Variants in LINGO2 observed in about 807,000 individuals in gnomAD.
The protein encoded by LINGO2 is leucine-rich repeat and immunoglobulin-like domain-containing nogo receptor-interacting protein 2.
Under a neutral mutation model 30.6 loss-of-function variants are expected in LINGO2, and 14 were observed. The ratio of observed to expected loss-of-function variants is 0.46; its 90% CI spans 0.30 to 0.72. LINGO2 has a LOEUF of 0.72. Among genes scored for constraint, LINGO2 ranks in the 30% least tolerant of loss-of-function variants. LINGO2 has a pLI of 0.07. For synonymous variants in LINGO2, 317 were observed against 288.5 expected (o/e 1.10, Z -1.00); for missense variants, 729 against 751.7 (o/e 0.97, Z 0.35).
At chr9:28,880,912 G>A in the LINGO2 span, among the ~76,000 whole-genome samples, 1 of 152,242 alleles carries the variant, frequency 6.6e-6, no homozygotes, top group African/African-American at 2.4e-5. Flanking sequence ...TCCAGCCATA[G>A]TACCTTCCCT....
At chr9:29,143,330 A>G in the LINGO2 span, among the ~76,000 whole-genome samples, 1 of 152,126 alleles carries the variant, frequency 6.6e-6, no homozygotes, top group Non-Finnish European at 1.5e-5. Flanking sequence ...TACAATTCAT[A>G]TTGAACCAGA....
the LINGO2 span, among the ~76,000 whole-genome samples, chr9:28,784,708 C>T: frequency 6.6e-6 from 1 of 152,160 alleles, no homozygotes; most frequent in Non-Finnish European, 1.5e-5. Context: ...AATCCCAGCA[C>T]TTTGGGAGGC....
chr9:28,666,500 A>G (rs1828805865), intron 1 of LINGO2, among the ~76,000 whole-genome samples: 1 of 152,180 alleles, frequency 6.6e-6, no homozygotes, highest in Admixed American at 6.5e-5. Context: ...TATGCTTTAA[A>G]ATGGCTCTAA....
At chr9:28,754,005 T>TACACACACATAA in the LINGO2 span, among the ~76,000 whole-genome samples, 7 of 109,742 alleles carry the variant, frequency 6.4e-5, 1 homozygote, top group African/African-American at 2.5e-4. Context: ...TAAATGAGAA[T>TACACACACATAA]ACACACACAC....
chr9:29,147,000 G>A, the LINGO2 span, among the ~76,000 whole-genome samples: 1 of 152,000 alleles, frequency 6.6e-6, no homozygotes, highest in African/African-American at 2.4e-5. Flanking sequence ...AAAAAATTAG[G>A]ATAATTTTCA....
At chr9:29,108,673 G>A in the LINGO2 span, among the ~76,000 whole-genome samples, 1 of 152,154 alleles carries the variant, frequency 6.6e-6, no homozygotes, top group Admixed American at 6.5e-5. Context: ...GCATTTAGAG[G>A]TATGCATAGA....
intron 5 of LINGO2, among the ~76,000 whole-genome samples, chr9:27,955,821 G>A (rs1819534399): frequency 6.6e-6 from 1 of 151,654 alleles, no homozygotes; most frequent in African/African-American, 2.4e-5. Context: ...AATATGTATA[G>A]TATTTATAAG....
chr9:28,708,779 A>T, the LINGO2 span, among the ~76,000 whole-genome samples: 2 of 148,778 alleles, frequency 1.3e-5, no homozygotes, highest in African/African-American at 4.9e-5. Context: ...CTATCTATCT[A>T]TCTATCTATC....
At chr9:28,676,677 G>A in the LINGO2 span, among the ~76,000 whole-genome samples, 1 of 152,092 alleles carries the variant, frequency 6.6e-6, no homozygotes, top group Non-Finnish European at 1.5e-5. Context: ...GGACTTCACT[G>A]TGGATTGCTT....
At chr9:29,017,828 T>C in the LINGO2 span, among the ~76,000 whole-genome samples, 2 of 151,926 alleles carry the variant, frequency 1.3e-5, no homozygotes, top group African/African-American at 2.4e-5. Context: ...GTCTCTAGAC[T>C]GACACGGAGA....
the LINGO2 span, among the ~76,000 whole-genome samples, chr9:28,961,681 T>C: frequency 6.6e-6 from 1 of 152,178 alleles, no homozygotes; most frequent in East Asian, 1.9e-4. Context: ...GCTGAATTTA[T>C]ACAGACTGTA....
At chr9:28,990,148 G>T in the LINGO2 span, among the ~76,000 whole-genome samples, 3 of 151,768 alleles carry the variant, frequency 2.0e-5, no homozygotes, top group African/African-American at 7.2e-5. Context: ...TCAAAGAAAG[G>T]GGTGACACTG....
At chr9:27,966,841 C>T (rs1297162036) in intron 5 of LINGO2, among the ~76,000 whole-genome samples, 1 of 152,104 alleles carries the variant, frequency 6.6e-6, no homozygotes, top group Admixed American at 6.6e-5. Flanking sequence ...CCAGGCCCAT[C>T]TAGATAGAAC....
At chr9:28,176,957 T>C (rs1252836057) in intron 4 of LINGO2, among the ~76,000 whole-genome samples, 1 of 152,214 alleles carries the variant, frequency 6.6e-6, no homozygotes, top group African/African-American at 2.4e-5. Context: ...GATGTCATCT[T>C]AGTTACAAAA....
chr9:28,651,307 T>C (rs1271655970), intron 1 of LINGO2, among the ~76,000 whole-genome samples: 1 of 152,174 alleles, frequency 6.6e-6, no homozygotes, highest in East Asian at 1.9e-4. Context: ...CAGAATATAC[T>C]GTTATAGCAC....
chr9:28,590,394 G>C (rs1229771069), intron 1 of LINGO2, among the ~76,000 whole-genome samples: 3 of 151,918 alleles, frequency 2.0e-5, no homozygotes, highest in Non-Finnish European at 4.4e-5. Flanking sequence ...GAAAATTTTT[G>C]CAACCTATTC....
chr9:28,694,953 T>C, the LINGO2 span, among the ~76,000 whole-genome samples: 1 of 95,356 alleles, frequency 1.0e-5, no homozygotes, highest in East Asian at 3.9e-4. Context: ...ATCCTGACTG[T>C]TTTTTTTTTT....
intron 4 of LINGO2, among the ~76,000 whole-genome samples, chr9:28,030,584 T>G (rs534283012): frequency 6.6e-5 from 10 of 152,346 alleles, no homozygotes; most frequent in African/African-American, 2.4e-4. Flanking sequence ...ACTCAATGCT[T>G]TAAGTATCTA....
chr9:29,101,917 C>A, the LINGO2 span, among the ~76,000 whole-genome samples: 1 of 152,010 alleles, frequency 6.6e-6, no homozygotes, highest in African/African-American at 2.4e-5. Flanking sequence ...TATGTGAAGA[C>A]CAGTAACTTC....
Sources: allele counts gnomAD v4.1 joint callset (sites outside exome capture counted in the v4.1 genomes callset), GRCh38; gene constraint gnomAD v4.1.1; transcripts MANE v1.5; gene names NCBI Gene and HGNC (gene_info 2026-07-23, HGNC 2026-07-21).